The following CD8B variants were observed in gnomAD, a reference collection of about 807,000 sequenced individuals.
CD8B encodes the protein T-cell surface glycoprotein CD8 beta chain.
A neutral mutation model predicts 24.2 loss-of-function variants in CD8B; 6 were observed. The ratio of observed to expected loss-of-function variants is 0.25; its 90% CI spans 0.14 to 0.49. The LOEUF is 0.49. CD8B is among the 20% of genes least tolerant of loss of function. The probability of loss-of-function intolerance (pLI) is 0.98; values close to 1 mark genes in which losing one functional copy is unlikely to be tolerated. For missense variants in CD8B, 196 were observed against 271.3 expected (o/e 0.72, Z 1.95); for synonymous variants, 84 against 108.3 (o/e 0.78, Z 1.39).
chr2:86,847,019 C>T (rs1468462299), intron 3 of CD8B, among the ~76,000 whole-genome samples: 3 of 133,024 alleles, frequency 2.3e-5, no homozygotes, highest in Non-Finnish European at 4.6e-5. Flanking sequence ...CTTACTGCAA[C>T]TTCCGCCTCC....
At chr2:86,826,713 C>T (rs1241301458) in intron 5 of CD8B, among the ~76,000 whole-genome samples, 5 of 152,106 alleles carry the variant, frequency 3.3e-5, no homozygotes, top group Admixed American at 6.5e-5. Flanking sequence ...GTGTCGCTCT[C>T]GCCCAAGTAC....
chr2:86,844,773 G>T, intron 5 of CD8B, 149 bp downstream of exon 5: 1 of 1,537,706 alleles, frequency 6.5e-7, no homozygotes, highest in Non-Finnish European at 8.8e-7. Flanking sequence ...CTCCCGAGTA[G>T]CTGTGACTAC....
At chr2:86,824,399 T>C (rs1351359024) in intron 5 of CD8B, among the ~76,000 whole-genome samples, 3 of 152,174 alleles carry the variant, frequency 2.0e-5, no homozygotes, top group Non-Finnish European at 4.4e-5. Context: ...TCTGTTGTGC[T>C]GGACATGCAA....
intron 5 of CD8B, among the ~76,000 whole-genome samples, chr2:86,816,943 T>G (rs1674274592): frequency 6.6e-6 from 1 of 152,128 alleles, no homozygotes; most frequent in South Asian, 2.1e-4. Context: ...TTGCAGTGCA[T>G]AAAAGCAACA....
chr2:86,817,487 C>T (rs1356467291), intron 5 of CD8B, among the ~76,000 whole-genome samples: 1 of 151,986 alleles, frequency 6.6e-6, no homozygotes, highest in Non-Finnish European at 1.5e-5. Flanking sequence ...ACAGGTAAAT[C>T]TCAAAAATAT....
intron 5 of CD8B, among the ~76,000 whole-genome samples, chr2:86,831,015 A>G (rs1429612424): frequency 6.6e-6 from 1 of 151,918 alleles, no homozygotes; most frequent in Non-Finnish European, 1.5e-5. Flanking sequence ...CTAAAACTCC[A>G]TTTTTTCCAA....
At chr2:86,825,838 C>T (rs940626334) in intron 5 of CD8B, among the ~76,000 whole-genome samples, 2 of 152,238 alleles carry the variant, frequency 1.3e-5, no homozygotes, top group Non-Finnish European at 2.9e-5. Flanking sequence ...CGCCACTCCA[C>T]TCTTTATTGT....
chr2:86,858,097 G>C lies in CD8B; in HGVS notation c.363C>G (p.Ser121Arg). 1 of 1,613,976 alleles carries C rather than the reference G, an allele frequency of 6.2e-7. No homozygotes were observed. The highest frequency in any genetic ancestry group is 8.5e-7 in the Non-Finnish European group (1 of 1,179,868). ...TTCCCTTCCCGAAGGTCAGCTCGGG[G>C]CTCCCGACGATCATGCAGAAGTAGA... is the stretch of plus-strand genomic sequence containing the variant. ...SGIYFCMIVG[S>R]PELTFGKGTQ... The change falls in exon 2 of 6, where the codon AGC becomes AGG. Residue 121 changes from serine (S) to arginine (R), a missense_variant. Transcript: ENST00000390655.
At chr2:86,843,059 A>G (rs1675511102) in intron 5 of CD8B, among the ~76,000 whole-genome samples, 1 of 152,134 alleles carries the variant, frequency 6.6e-6, no homozygotes, top group Non-Finnish European at 1.5e-5. Context: ...CTTACTTTCC[A>G]TGAAAGGTCA....
In CD8B at chr2:86,841,766, A is replaced by G; in HGVS notation, c.*541T>C. 2 of 985,626 alleles carry G rather than the reference A, an allele frequency of 2.0e-6. No homozygotes were observed. The highest frequency in any genetic ancestry group is 4.7e-5 in the South Asian group (1 of 21,290). 61.1% of individuals were successfully genotyped at this position (985,626 alleles called of 1,614,324 possible). On this transcript the variant is annotated 3_prime_UTR_variant, in exon 6 of 6. Transcript: ENST00000390655. Reference sequence around the variant, plus strand: ...TCAAACCCGCAAGTTCCCGGCCCCAAAGGAAGCCCTCAGAGACTGATATGC... The same window carrying G: ...TCAAACCCGCAAGTTCCCGGCCCCAGAGGAAGCCCTCAGAGACTGATATGC...
chr2:86,848,621 T>C (rs1011954375), intron 3 of CD8B, among the ~76,000 whole-genome samples: 20 of 151,538 alleles, frequency 1.3e-4, no homozygotes, highest in Admixed American at 9.9e-4. Context: ...AGAGAGAATT[T>C]TTACTGAATA....
downstream of CD8B, among the ~76,000 whole-genome samples, chr2:86,834,026 A>G (rs559827279): frequency 6.6e-6 from 1 of 152,302 alleles, no homozygotes; most frequent in African/African-American, 2.4e-5. Context: ...TTATTAAATG[A>G]TTCCCTATTG....
intron 5 of CD8B, among the ~76,000 whole-genome samples, chr2:86,824,555 A>T (rs1674604148): frequency 6.6e-6 from 1 of 152,232 alleles, no homozygotes; most frequent in Non-Finnish European, 1.5e-5. Context: ...CTCCCCCTGC[A>T]CAAACCTGCA....
rs997130438 is a variant in CD8B at position 86,838,429 on chromosome 2, G to A, written c.*3878C>T. On this transcript the variant is annotated 3_prime_UTR_variant, in exon 6 of 6. Coordinates refer to ENST00000390655, the MANE Select transcript of CD8B (RefSeq NM_004931.5). Reference sequence around the variant, plus strand: ...TAATTTTCTATATTCTCTATTTTATGTATTATATTCTCAAGATTTCAATTT... The same window carrying A: ...TAATTTTCTATATTCTCTATTTTATATATTATATTCTCAAGATTTCAATTT... Among the ~76,000 whole-genome samples the A allele has an allele frequency of 2.0e-5, 3 of 151,962 alleles. No homozygotes were observed. Among genetic ancestry groups the A allele is most frequent in the African/African-American group, 7.3e-5 (3 of 41,364 alleles).
intron 5 of CD8B, among the ~76,000 whole-genome samples, chr2:86,842,602 T>C (rs908140218): frequency 3.9e-5 from 6 of 152,176 alleles, no homozygotes; most frequent in African/African-American, 1.4e-4. Flanking sequence ...CACAAATTTA[T>C]ATCAAGGGGC....
At chr2:86,860,531 A>G (rs982784485) in intron 1 of CD8B, among the ~76,000 whole-genome samples, 17 of 152,124 alleles carry the variant, frequency 1.1e-4, no homozygotes, top group African/African-American at 3.9e-4. Context: ...TGTGGGGGAG[A>G]TACTGTTTTG....
rs369418833 is a variant in CD8B at position 86,843,463 on chromosome 2, G to A, written c.621-1144C>T. 1.9e-5 allele frequency: 18 copies of A among 952,198 alleles called. 1 individual carries two copies. Among genetic ancestry groups the A allele is most frequent in the East Asian group, 2.3e-4 (2 of 8,600 alleles). The allele number at this position is 952,198 out of a possible 1,614,324, so 59.0% of individuals were successfully genotyped here. On this transcript the variant is annotated intron_variant, in intron 5 of 5. Transcript: ENST00000390655. ...CTCAAGTTATTATCTCTTGGGTAGG[G>A]GGCAGCTTCTAAATCCAACACACAA...
intron 5 of CD8B, among the ~76,000 whole-genome samples, chr2:86,827,877 T>G (rs933910697): frequency 6.6e-6 from 1 of 152,184 alleles, no homozygotes; most frequent in Admixed American, 6.5e-5. Flanking sequence ...TCATGAACTC[T>G]GGGGCTTTGT....
chr2:86,816,491 G>C (rs987757048), intron 5 of CD8B, among the ~76,000 whole-genome samples: 1 of 152,172 alleles, frequency 6.6e-6, no homozygotes, highest in Non-Finnish European at 1.5e-5. Context: ...AAGGGTAAGG[G>C]GGGGACCCAT....
Sources: allele counts gnomAD v4.1 joint callset (sites outside exome capture counted in the v4.1 genomes callset), GRCh38; gene constraint gnomAD v4.1.1; transcripts MANE v1.5; gene names NCBI Gene and HGNC (gene_info 2026-07-23, HGNC 2026-07-21).